ATP9A: variants seen among roughly 807,000 people sequenced by gnomAD.
ATP9A encodes ATPase phospholipid transporting 9A.
In ATP9A, 52 loss-of-function variants were observed where a neutral mutation model predicts 144.1. The ratio of observed to expected loss-of-function variants is 0.36; its 90% CI spans 0.29 to 0.45. ATP9A has a LOEUF of 0.45. ATP9A is among the 20% of genes least tolerant of loss of function. The pLI is 1.00. For synonymous variants in ATP9A, 582 were observed against 557.4 expected, an observed-to-expected ratio of 1.04 and a Z score of -0.62; for missense variants, 947 against 1,392.7, an observed-to-expected ratio of 0.68 and a Z score of 5.09.
chr20:51,612,603 T>A (rs2077188914), intron 23 of ATP9A, among the ~76,000 whole-genome samples: 1 of 152,114 alleles, frequency 6.6e-6, no homozygotes, highest in Admixed American at 6.5e-5. Context: ...TTTTGTATTT[T>A]TAGTAGAGAC....
At chr20:51,640,763 G>A (rs2077315484) in intron 14 of ATP9A, among the ~76,000 whole-genome samples, 3 of 152,188 alleles carry the variant, frequency 2.0e-5, no homozygotes, top group African/African-American at 7.2e-5. Flanking sequence ...GGCTGAGTGG[G>A]GGCTGTGGCA....
At chr20:51,641,579 C>A (rs552931162) in intron 14 of ATP9A, among the ~76,000 whole-genome samples, 3 of 151,602 alleles carry the variant, frequency 2.0e-5, no homozygotes, top group Non-Finnish European at 4.4e-5. Flanking sequence ...CTTTGGGAGG[C>A]TGAGGTGAGT....
At chr20:51,674,458 C>A (rs1348480391) in intron 10 of ATP9A, 145 bp from the exon 11 acceptor site, 1 of 726,696 alleles carries the variant, frequency 1.4e-6, no homozygotes, top group Non-Finnish European at 2.2e-6. Context: ...CTACAAACAC[C>A]TCTACCCCAG....
chr20:51,736,361 A>G (rs535101594), intron 1 of ATP9A, among the ~76,000 whole-genome samples: 72 of 152,318 alleles, frequency 4.7e-4, no homozygotes, highest in African/African-American at 1.7e-3. Context: ...GAATGATCTC[A>G]TTTATAGTTT....
At chr20:51,660,202 CAAAGT>C (rs914529741) in intron 13 of ATP9A, among the ~76,000 whole-genome samples, 10 of 152,288 alleles carry the variant, frequency 6.6e-5, no homozygotes, top group Non-Finnish European at 1.3e-4. Flanking sequence ...AGACCTTTGA[CAAAGT>C]AATTACTGTG....
At chr20:51,671,310 G>A in intron 11 of ATP9A, 53 bp from the exon 12 acceptor site, 1 of 1,579,376 alleles carries the variant, frequency 6.3e-7, no homozygotes, top group Admixed American at 1.7e-5. Context: ...AAGGCTCCTT[G>A]TATCTTTATA....
intron 14 of ATP9A, among the ~76,000 whole-genome samples, chr20:51,642,750 A>C (rs1427974528): frequency 2.7e-5 from 4 of 147,056 alleles, no homozygotes; most frequent in Non-Finnish European, 6.0e-5. Context: ...AAAAAAAAAA[A>C]AAAAAAAAAA....
chr20:51,671,031 A>T, intron 12 of ATP9A, 84 bp downstream of exon 12: 1 of 1,503,274 alleles, frequency 6.7e-7, no homozygotes. Flanking sequence ...TCATATGTCC[A>T]GAGAGAGCCC....
chr20:51,721,105 G>A (rs968141570), intron 3 of ATP9A, among the ~76,000 whole-genome samples: 2 of 152,192 alleles, frequency 1.3e-5, no homozygotes, highest in Admixed American at 6.5e-5. Flanking sequence ...CCTCTTCTCA[G>A]GGCAAGAGCT....
chr20:51,710,669 T>C (rs2077634346), intron 4 of ATP9A, among the ~76,000 whole-genome samples: 1 of 151,968 alleles, frequency 6.6e-6, no homozygotes, highest in Non-Finnish European at 1.5e-5. Context: ...TTCCCTAGAG[T>C]GGGATTGGCA....
intron 1 of ATP9A, among the ~76,000 whole-genome samples, chr20:51,738,378 G>A (rs1283255877): frequency 6.6e-6 from 1 of 152,098 alleles, no homozygotes; most frequent in Non-Finnish European, 1.5e-5. Flanking sequence ...TATAGATTGG[G>A]GCAAGTAGGG....
intron 4 of ATP9A, among the ~76,000 whole-genome samples, chr20:51,704,088 A>C (rs1347464998): frequency 6.6e-6 from 1 of 152,120 alleles, no homozygotes; most frequent in South Asian, 2.1e-4. Context: ...AAGCCAAAGA[A>C]AAGACTGTTA....
intron 14 of ATP9A, among the ~76,000 whole-genome samples, chr20:51,650,617 T>C (rs899974176): frequency 6.6e-6 from 1 of 152,170 alleles, no homozygotes; most frequent in Non-Finnish European, 1.5e-5. Flanking sequence ...GAATTATCTC[T>C]GCAAGTATAC....
intron 11 of ATP9A, among the ~76,000 whole-genome samples, chr20:51,672,218 A>G (rs976807564): frequency 3.3e-5 from 5 of 152,138 alleles, no homozygotes; most frequent in Admixed American, 3.3e-4. Flanking sequence ...GTTCATCCAC[A>G]CTGTAAGGTG....
At chr20:51,739,671 C>T (rs78818262) in intron 1 of ATP9A, among the ~76,000 whole-genome samples, 2 of 152,300 alleles carry the variant, frequency 1.3e-5, no homozygotes, top group East Asian at 3.9e-4. Context: ...AGCCCAATCC[C>T]ATCTCTGAAT....
chr20:51,607,422 G>T, intron 26 of ATP9A, 105 bp downstream of exon 26: 1 of 1,055,606 alleles, frequency 9.5e-7, no homozygotes, highest in Non-Finnish European at 1.4e-6. Flanking sequence ...CCTCCTTCCT[G>T]CTATTTCAGA....
chr20:51,626,673 A>G (rs1383462323), intron 17 of ATP9A, among the ~76,000 whole-genome samples: 1 of 151,776 alleles, frequency 6.6e-6, no homozygotes, highest in African/African-American at 2.4e-5. Context: ...AAAAAGAGAA[A>G]AGAAATTAGG....
chr20:51,619,052 G>T lies in ATP9A; in HGVS notation c.2116-9C>A. 1.2e-6 allele frequency: 2 copies of T among 1,609,796 alleles called. No homozygotes were observed. The highest frequency in any genetic ancestry group is 1.1e-5 in the South Asian group (1 of 90,960). On this transcript the variant is annotated splice_polypyrimidine_tract_variant and intron_variant, in intron 19 of 27. Coordinates refer to ENST00000338821, the MANE Select transcript of ATP9A (RefSeq NM_006045.3). ...TCCCCGCGGTTGGTCACCTGGAAGG[G>T]AACAGAGATGGGGAAGGAGGCATTG...
At chr20:51,672,223 A>G (rs923353373) in intron 11 of ATP9A, among the ~76,000 whole-genome samples, 6 of 152,164 alleles carry the variant, frequency 3.9e-5, no homozygotes, top group Admixed American at 3.9e-4. Flanking sequence ...TCCACACTGT[A>G]AGGTGCATTA....
Sources: allele counts gnomAD v4.1 joint callset (sites outside exome capture counted in the v4.1 genomes callset), GRCh38; gene constraint gnomAD v4.1.1; transcripts MANE v1.5; gene names NCBI Gene and HGNC (gene_info 2026-07-23, HGNC 2026-07-21).